The following C3orf52 variants were observed in gnomAD, a reference collection of about 807,000 sequenced individuals.
C3orf52 encodes chromosome 3 open reading frame 52, also known as TPA-induced transmembrane protein.
Under a neutral mutation model 24.8 loss-of-function variants are expected in C3orf52, and 22 were observed. That is an observed-to-expected ratio of 0.89 (90% CI 0.63 to 1.27). The LOEUF (loss-of-function observed/expected upper bound fraction) is 1.27. C3orf52 is among the 50% of genes most tolerant of loss of function. The probability of loss-of-function intolerance (pLI) is 0.00; values close to 1 mark genes in which losing one functional copy is unlikely to be tolerated. For synonymous variants in C3orf52, 93 were observed against 100.2 expected, an observed-to-expected ratio of 0.93 and a Z score of 0.43; for missense variants, 265 against 260.7, an observed-to-expected ratio of 1.02 and a Z score of -0.11.
At chr3:112,095,186 G>A (rs1309816774) in intron 2 of C3orf52, among the ~76,000 whole-genome samples, 2 of 152,168 alleles carry the variant, frequency 1.3e-5, no homozygotes, top group Non-Finnish European at 2.9e-5. Flanking sequence ...ATATAAGCTG[G>A]TGTTAAGGTA....
rs1418122592 is a variant in C3orf52, at chr3:112,117,234, G to C, written c.*588G>C. Reference sequence around the variant, plus strand: ...TTGATCTACCTCTAAGCCAGGCTGTGAAGAAAAGGAAGGCACTTTAGAAGA... The same window carrying C: ...TTGATCTACCTCTAAGCCAGGCTGTCAAGAAAAGGAAGGCACTTTAGAAGA... On this transcript the variant is annotated 3_prime_UTR_variant, in exon 6 of 6. Transcript: ENST00000264848. The C allele has an allele frequency of 2.0e-6, 1 of 491,654 alleles. No homozygotes were observed. Among genetic ancestry groups the C allele is most frequent in the African/African-American group, 1.9e-5 (1 of 52,452 alleles). The allele number at this position is 491,654 out of a possible 1,614,324, so 30.5% of individuals were successfully genotyped here.
chr3:112,119,614 G>A, downstream of C3orf52: 1 of 680,114 alleles, frequency 1.5e-6, no homozygotes, highest in Non-Finnish European at 2.7e-6. Flanking sequence ...CATGAATCCT[G>A]TCCTATTCAG....
chr3:112,100,972 C>T (rs899286175), intron 2 of C3orf52, among the ~76,000 whole-genome samples: 3 of 152,134 alleles, frequency 2.0e-5, no homozygotes, highest in African/African-American at 7.2e-5. Flanking sequence ...GGAAAAAACC[C>T]TCTTGATTGC....
chr3:112,111,696 GTGGC>G (rs2074084604), intron 4 of C3orf52: 1 of 152,248 alleles, frequency 6.6e-6, no homozygotes, highest in Non-Finnish European at 1.5e-5. Context: ...GGAATGCAGG[GTGGC>G]TGGCTGTGTA....
At chr3:112,110,568 T>A (rs997521032) in intron 4 of C3orf52, among the ~76,000 whole-genome samples, 1 of 152,228 alleles carries the variant, frequency 6.6e-6, no homozygotes, top group Admixed American at 6.5e-5. Flanking sequence ...TTTTATTTTT[T>A]AAATTTCCTC....
At chr3:112,100,215 G>A (rs1255075774) in intron 2 of C3orf52, among the ~76,000 whole-genome samples, 2 of 152,034 alleles carry the variant, frequency 1.3e-5, no homozygotes, top group African/African-American at 4.8e-5. Flanking sequence ...TTTCTTCGTG[G>A]GCGATGTTTA....
At chr3:112,124,135 T>C (rs1032343033) in intron 4 of C3orf52, among the ~76,000 whole-genome samples, 2 of 152,244 alleles carry the variant, frequency 1.3e-5, no homozygotes, top group Admixed American at 6.5e-5. Flanking sequence ...TTCTCATGAA[T>C]GGCTTAGTGC....
At chr3:112,094,738 A>T (rs1196067887) in intron 2 of C3orf52, among the ~76,000 whole-genome samples, 1 of 152,250 alleles carries the variant, frequency 6.6e-6, no homozygotes, top group Non-Finnish European at 1.5e-5. Flanking sequence ...AAGTTTTTAC[A>T]TCCTCCAGTG....
chr3:112,130,392 C>T, downstream of C3orf52: 1 of 1,454,276 alleles, frequency 6.9e-7, no homozygotes, highest in Non-Finnish European at 9.7e-7. Flanking sequence ...GCTTGACATA[C>T]TTCGTTCTCC....
chr3:112,111,253 T>G (rs1347027221), intron 4 of C3orf52, among the ~76,000 whole-genome samples: 1 of 152,166 alleles, frequency 6.6e-6, no homozygotes, highest in Non-Finnish European at 1.5e-5. Flanking sequence ...CGGTGACATC[T>G]CTGCACTTTA....
intron 4 of C3orf52, 41 bp downstream of exon 4, chr3:112,109,654 A>G (rs960983413): frequency 9.5e-6 from 12 of 1,268,414 alleles, no homozygotes; most frequent in Non-Finnish European, 1.3e-5. Context: ...CTTTCTCTGG[A>G]AAGAGATCCC....
At chr3:112,121,211 A>C (rs1179966751), downstream of C3orf52, 1 of 152,228 alleles carries the variant, frequency 6.6e-6, no homozygotes, top group Non-Finnish European at 1.5e-5. Context: ...TTACTATGTC[A>C]TACTAAGAAT....
chr3:112,123,499 G>A lies in C3orf52; in HGVS notation c.*46+3937G>A, dbSNP rs189952722. The A allele has an allele frequency of 1.0e-4, 168 of 1,614,170 alleles. No homozygotes were observed. The African/African-American group carries it at 1.8e-3, about 18-fold the overall frequency. On this transcript the variant is annotated intron_variant, in intron 4 of 4. Coordinates refer to the C3orf52 transcript ENST00000480282. ...GTCTCAGAAGGGGCCATAAGTGGAC[G>A]TGGCTGTTGCAGAAAGTGAGAGGAG...
chr3:112,123,114 A>G (rs2074231033), downstream of C3orf52: 1 of 275,948 alleles, frequency 3.6e-6, no homozygotes, highest in Non-Finnish European at 6.9e-6. Flanking sequence ...TCATGGGAAC[A>G]CTTTATAAGA....
At position 112,107,313 on chromosome 3, in the gene C3orf52, T is replaced by C. The variant is rs370688395; in HGVS notation, c.397-2230T>C. 2.6e-5 allele frequency among the ~76,000 whole-genome samples: 4 copies of C among 152,268 alleles called. No homozygotes were observed. The East Asian group carries it at 5.8e-4, about 22-fold the overall frequency. ...AAAAGGAAGAGAAAGACATGAGTGC[T>C]TGACATTAGTGCTTGAAAAGATTCT... On this transcript the variant is annotated intron_variant, in intron 3 of 5. Transcript: ENST00000264848.
intron 4 of C3orf52, chr3:112,112,078 A>G (rs2074088572): frequency 6.6e-6 from 1 of 152,246 alleles, no homozygotes; most frequent in Non-Finnish European, 1.5e-5. Flanking sequence ...CCCCAAGGTG[A>G]TAGTCTCAGA....
At chr3:112,105,570 G>GTT (rs2074016158) in intron 3 of C3orf52, among the ~76,000 whole-genome samples, 6 of 133,928 alleles carry the variant, frequency 4.5e-5, no homozygotes, top group African/African-American at 1.6e-4. Flanking sequence ...GTGTGTGTGT[G>GTT]TTTTCCACAC....
At chr3:112,103,863 G>A (rs977880399) in intron 3 of C3orf52, among the ~76,000 whole-genome samples, 5 of 152,200 alleles carry the variant, frequency 3.3e-5, no homozygotes, top group Non-Finnish European at 7.3e-5. Flanking sequence ...GGCTAAAAAG[G>A]AAGGCAGGCG....
At chr3:112,100,217 C>T (rs12172949) in intron 2 of C3orf52, among the ~76,000 whole-genome samples, 8,547 of 152,206 alleles carry the variant, frequency 0.056, 330 homozygotes, top group East Asian at 0.12. Flanking sequence ...TCTTCGTGGG[C>T]GATGTTTAAC....
Sources: allele counts gnomAD v4.1 joint callset (sites outside exome capture counted in the v4.1 genomes callset), GRCh38; gene constraint gnomAD v4.1.1; transcripts MANE v1.5; gene names NCBI Gene and HGNC (gene_info 2026-07-23, HGNC 2026-07-21).